Variants in SPPL2A observed in about 807,000 individuals in gnomAD.
The protein encoded by SPPL2A is signal peptide peptidase like 2A.
Under a neutral mutation model 63.8 loss-of-function variants are expected in SPPL2A, and 51 were observed. The ratio of observed to expected loss-of-function variants is 0.80; its 90% CI spans 0.64 to 1.01. The LOEUF (loss-of-function observed/expected upper bound fraction) is 1.01, where lower values mean the gene tolerates loss of function less well. Among genes scored for constraint, SPPL2A ranks in the 50% least tolerant of loss-of-function variants. SPPL2A has a pLI of 0.00. For synonymous variants in SPPL2A, 188 were observed against 205.8 expected (o/e 0.91, Z 0.74); for missense variants, 553 against 622.7 (o/e 0.89, Z 1.19).
At chr15:50,726,417 A>G (rs776729136) in intron 10 of SPPL2A, 40 bp from the exon 11 acceptor site, 69 of 1,576,640 alleles carry the variant, frequency 4.4e-5, no homozygotes, top group Non-Finnish European at 5.8e-5. Flanking sequence ...AATCATTTAA[A>G]GAGAACAATC....
intron 12 of SPPL2A, among the ~76,000 whole-genome samples, chr15:50,724,269 T>C (rs1010347845): frequency 6.6e-6 from 1 of 152,090 alleles, no homozygotes; most frequent in Non-Finnish European, 1.5e-5. Flanking sequence ...AGTTAGTACA[T>C]AGGAAGACTA....
intron 5 of SPPL2A, among the ~76,000 whole-genome samples, chr15:50,743,911 A>C (rs1401276911): frequency 6.6e-6 from 1 of 152,144 alleles, no homozygotes; most frequent in East Asian, 1.9e-4. Context: ...GCAGTGGCTC[A>C]CACCTGTAAT....
At chr15:50,720,963 G>A (rs1332240161) in intron 13 of SPPL2A, among the ~76,000 whole-genome samples, 1 of 152,174 alleles carries the variant, frequency 6.6e-6, no homozygotes, top group Non-Finnish European at 1.5e-5. Flanking sequence ...GTACACAGGA[G>A]AATTAATGAA....
At chr15:50,752,704 C>A (rs1380258677) in intron 1 of SPPL2A, among the ~76,000 whole-genome samples, 7 of 146,002 alleles carry the variant, frequency 4.8e-5, no homozygotes, top group African/African-American at 2.5e-5. Flanking sequence ...TGCAACAGAG[C>A]AAGACTCCAT....
intron 2 of SPPL2A, among the ~76,000 whole-genome samples, chr15:50,749,340 T>C (rs2062886597): frequency 6.6e-6 from 1 of 151,976 alleles, no homozygotes; most frequent in African/African-American, 2.4e-5. Flanking sequence ...CAGGCTGGAG[T>C]GCAGTGGCAT....
intron 13 of SPPL2A, among the ~76,000 whole-genome samples, chr15:50,720,685 A>T (rs2062639297): frequency 6.6e-6 from 1 of 151,804 alleles, no homozygotes. Flanking sequence ...ACGCCTGGCT[A>T]ATTTTGTATT....
chr15:50,735,522 T>C (rs1023293271), intron 8 of SPPL2A, among the ~76,000 whole-genome samples: 24 of 142,750 alleles, frequency 1.7e-4, no homozygotes, highest in South Asian at 9.0e-4. Flanking sequence ...CATACATATA[T>C]ACACACACAC....
chr15:50,739,595 T>C lies in SPPL2A; in HGVS notation c.733+85A>G, dbSNP rs1175709044. 6.1e-6 allele frequency: 6 copies of C among 984,336 alleles called. No homozygotes were observed. The Admixed American group carries it at 1.2e-4, about 19-fold the overall frequency. 61.0% of individuals were successfully genotyped at this position (984,336 alleles called of 1,614,324 possible). On this transcript the variant is annotated intron_variant, in intron 6 of 14. Transcript: ENST00000261854. The stretch of plus-strand genomic sequence containing the variant: ...ATTCACATACGTTTTCCAGGTAGAA[T>C]GGCTTAAAGGAAAAGATAAATCTAG...
chr15:50,757,089 C>CTTTTTTTTTTTTTTTTTTTT lies in SPPL2A; in HGVS notation c.67-7344_67-7343insAAAAAAAAAAAAAAAAAAAA, dbSNP rs57100103. Among the ~76,000 whole-genome samples the CTTTTTTTTTTTTTTTTTTTT allele has an allele frequency of 8.1e-4, 104 of 128,356 alleles. 5 individuals carry two copies. The highest frequency in any genetic ancestry group is 2.1e-3 in the East Asian group (8 of 3,864). 84.2% of individuals were successfully genotyped at this position (128,356 alleles called of 152,430 possible). A position where few individuals can be genotyped will look rare whatever the true frequency, so the allele number is the denominator to read the frequency against. ...GTTCCTCCCACATCCTAAATCCTTT[C>CTTTTTTTTTTTTTTTTTTTT]TTTTTTTTTTTGAGACAGAGTCTCA... On this transcript the variant is annotated intron_variant, in intron 1 of 14. Coordinates refer to ENST00000261854, the MANE Select transcript of SPPL2A (RefSeq NM_032802.4).
At position 50,749,599 on chromosome 15, in the gene SPPL2A, T is replaced by G. The variant is rs186797073; in HGVS notation, c.177+37A>C. On this transcript the variant is annotated intron_variant, in intron 2 of 14. Transcript: ENST00000261854. ...CCGTGCCCAGCCTCCTTCTTCACTA[T>G]TTTTATGTTTATGAATAGTAACTGT... is the stretch of plus-strand genomic sequence containing the variant. The G allele has an allele frequency of 5.2e-6, 7 of 1,353,536 alleles. No homozygotes were observed. The African/African-American group carries it at 8.6e-5, about 17-fold the overall frequency. The allele number at this position is 1,353,536 out of a possible 1,614,324, so 83.8% of individuals were successfully genotyped here. A position where few individuals can be genotyped will look rare whatever the true frequency, so the allele number is the denominator to read the frequency against.
intron 5 of SPPL2A, among the ~76,000 whole-genome samples, chr15:50,745,268 A>G (rs561102263): frequency 6.6e-6 from 1 of 152,086 alleles, no homozygotes; most frequent in South Asian, 2.1e-4. Context: ...CTCCTGCTTC[A>G]GGCTCCTGAG....
chr15:50,713,303 C>T (rs981891910), intron 14 of SPPL2A, among the ~76,000 whole-genome samples: 7 of 145,800 alleles, frequency 4.8e-5, no homozygotes, highest in Non-Finnish European at 1.0e-4. Context: ...GTCTTGCTGT[C>T]GCCCAGGCTA....
Position 50,748,122 on chromosome 15 carries a change from A to C in SPPL2A, c.441T>G (p.Asp147Glu). 7.1e-6 allele frequency: 10 copies of C among 1,399,576 alleles called. No individual in the cohort carries two copies. The highest frequency in any genetic ancestry group is 9.7e-6 in the Non-Finnish European group (10 of 1,035,688). The allele number at this position is 1,399,576 out of a possible 1,614,324, so 86.7% of individuals were successfully genotyped here. ...GTAATTGCTAATTTACCTGGTTCAT[A>C]TCTCTAAAGTCTTTGTAGCTTATAA... ...IAFISYKDFR[D>E]MNQTLGDNIT... Residue 147 changes from aspartate (D) to glutamate (E), a missense_variant, in exon 4 of 15, where the codon GAT becomes GAG. Transcript: ENST00000261854.
At chr15:50,741,519 ATC>A (rs957883107) in intron 5 of SPPL2A, among the ~76,000 whole-genome samples, 8 of 152,244 alleles carry the variant, frequency 5.3e-5, no homozygotes, top group African/African-American at 1.4e-4. Flanking sequence ...TAATTATGAT[ATC>A]TGTCACTACA....
At chr15:50,753,556 A>C (rs894394223) in intron 1 of SPPL2A, among the ~76,000 whole-genome samples, 11 of 152,212 alleles carry the variant, frequency 7.2e-5, no homozygotes, top group Admixed American at 2.0e-4. Flanking sequence ...AAGTTTCAAT[A>C]TCCTCAGCTT....
chr15:50,707,728 C>A lies in SPPL2A; in HGVS notation c.*72G>T. The A allele has an allele frequency of 1.2e-6, 1 of 811,306 alleles. No individual in the cohort carries two copies. The highest frequency in any genetic ancestry group is 2.1e-6 in the Non-Finnish European group (1 of 472,282). 50.3% of individuals were successfully genotyped at this position (811,306 alleles called of 1,614,324 possible). The stretch of plus-strand genomic sequence containing the variant: ...TGAAGACTCTTTCAGATTGTCAATT[C>A]AAAAGTCAATTTAAAAAGTCGAAGT... On this transcript the variant is annotated 3_prime_UTR_variant, in exon 15 of 15. Transcript: ENST00000261854.
intron 4 of SPPL2A, chr15:50,747,850 T>C (rs2062871369): frequency 2.1e-6 from 1 of 473,176 alleles, no homozygotes; most frequent in Non-Finnish European, 3.7e-6. Context: ...CAATCATATT[T>C]TGTTCAGGAA....
intron 1 of SPPL2A, among the ~76,000 whole-genome samples, chr15:50,757,879 G>C (rs1483820719): frequency 6.6e-6 from 1 of 151,682 alleles, no homozygotes; most frequent in Non-Finnish European, 1.5e-5. Context: ...AGCTACTCGG[G>C]AGGCTGAGGC....
In SPPL2A at chr15:50,726,321, C is replaced by T. The variant is rs753059705; in HGVS notation, c.1146G>A (p.Lys382=). 7 of 1,613,780 alleles carry T rather than the reference C, an allele frequency of 4.3e-6. No individual in the cohort carries two copies. The highest frequency in any genetic ancestry group is 5.1e-6 in the Non-Finnish European group (6 of 1,179,706). The change falls in exon 11 of 15, where the codon AAG becomes AAA. Residue 382 remains lysine, a splice_region_variant and synonymous_variant. Coordinates refer to ENST00000261854, the MANE Select transcript of SPPL2A (RefSeq NM_032802.4). ...LAAGPFGNNE[K]LPVVIRVPKL... ...ATTTCTATTTCATTGCCATCCCTACCTTTTCATTATTTCCAAAAGGTCCAG... is the reference window on the plus strand; with the variant it reads ...ATTTCTATTTCATTGCCATCCCTACTTTTTCATTATTTCCAAAAGGTCCAG...
Sources: allele counts gnomAD v4.1 joint callset (sites outside exome capture counted in the v4.1 genomes callset), GRCh38; gene constraint gnomAD v4.1.1; transcripts MANE v1.5; gene names NCBI Gene and HGNC (gene_info 2026-07-23, HGNC 2026-07-21).